Variants in MEIOSIN observed in about 807,000 individuals in gnomAD.
MEIOSIN encodes meiosis initiator protein.
A neutral mutation model predicts 23.4 loss-of-function variants in MEIOSIN; 18 were observed. The ratio of observed to expected loss-of-function variants is 0.77; its 90% confidence interval spans 0.53 to 1.14. The LOEUF is 1.14. Ranked by LOEUF, MEIOSIN falls within the 50% of genes most tolerant of loss-of-function variation. The pLI is 0.00. For synonymous variants in MEIOSIN, 187 were observed against 100.6 expected, an observed-to-expected ratio of 1.86 and a Z score of -5.14; for missense variants, 428 against 242.9, an observed-to-expected ratio of 1.76 and a Z score of -5.07.
At position 45,762,194 on chromosome 19, in the gene MEIOSIN, G is replaced by A. The variant is rs973580800; in HGVS notation, c.1679+11G>A. The A allele has an allele frequency of 7.4e-6, 3 of 404,868 alleles. No homozygotes were observed. Among genetic ancestry groups the A allele is most frequent in the Non-Finnish European group, 1.3e-5 (3 of 230,074 alleles). 25.1% of individuals were successfully genotyped at this position (404,868 alleles called of 1,614,324 possible). A position where few individuals can be genotyped will look rare whatever the true frequency, so the allele number is the denominator to read the frequency against. The stretch of plus-strand genomic sequence containing the variant: ...GAAGCAGTACATCCGGTGGGTAGGG[G>A]GTCGTCTTTGGCCCTGGGGAAGGCC... On this transcript the variant is annotated intron_variant, in intron 13 of 14. Coordinates refer to ENST00000457052, the MANE Select transcript of MEIOSIN (RefSeq NM_001310124.2).
intron 4 of MEIOSIN, among the ~76,000 whole-genome samples, chr19:45,748,331 C>T (rs182004750): frequency 1.4e-4 from 21 of 152,338 alleles, no homozygotes; most frequent in Admixed American, 2.0e-4. Flanking sequence ...CCACCCGCCT[C>T]GGGCTCTGAA....
chr19:45,762,509 T>C (rs1301247026), intron 13 of MEIOSIN, among the ~76,000 whole-genome samples: 1 of 152,210 alleles, frequency 6.6e-6, no homozygotes. Flanking sequence ...CTCACTGCAA[T>C]GTCTGCCTCC....
At chr19:45,748,138 C>G (rs1296179513) in intron 4 of MEIOSIN, among the ~76,000 whole-genome samples, 1 of 151,580 alleles carries the variant, frequency 6.6e-6, no homozygotes, top group Non-Finnish European at 1.5e-5. Flanking sequence ...AGTGCAGTGG[C>G]ACCATCTCGG....
intron 8 of MEIOSIN, 60 bp from the exon 9 acceptor site, chr19:45,757,117 C>T (rs4802275): frequency 0.49 from 340,438 of 691,218 alleles, 86,175 homozygotes; most frequent in East Asian, 0.67. Context: ...CCAAAGGGGC[C>T]CCATAGCAGT....
At chr19:45,736,723 C>A (rs184724874) in intron 2 of MEIOSIN, among the ~76,000 whole-genome samples, 2 of 151,964 alleles carry the variant, frequency 1.3e-5, no homozygotes, top group Non-Finnish European at 2.9e-5. Context: ...CGCCCACCAC[C>A]ATGCCTGGCT....
chr19:45,760,705 G>A (rs1410373068), intron 11 of MEIOSIN, among the ~76,000 whole-genome samples: 1 of 152,064 alleles, frequency 6.6e-6, no homozygotes, highest in Non-Finnish European at 1.5e-5. Flanking sequence ...GAGGCGGGCA[G>A]ATCACCTGAG....
rs1968819411 is a variant in MEIOSIN at position 45,755,994 on chromosome 19, A to T, written c.827A>T (p.Gln276Leu). 1.4e-6 allele frequency: 1 copy of T among 702,734 alleles called. No homozygotes were observed. Among genetic ancestry groups the T allele is most frequent in the Non-Finnish European group, 2.6e-6 (1 of 385,018 alleles). The allele number at this position is 702,734 out of a possible 1,614,324, so 43.5% of individuals were successfully genotyped here. A position where few individuals can be genotyped will look rare whatever the true frequency, so the allele number is the denominator to read the frequency against. The change falls in exon 8 of 15, where the codon CAG becomes CTG. Residue 276 changes from glutamine to leucine, a missense_variant. Gln to Leu is a moderately radical substitution (Grantham distance 113, BLOSUM62 -2). Coordinates refer to ENST00000457052, the MANE Select transcript of MEIOSIN (RefSeq NM_001310124.2). ...ISSCWCQGSV[Q>L]DDAPFPALLA... ...GGCTGCTGGTGCCAGGGCAGTGTCCAGGATGACGCACCTTTCCCTGCGCTC... is the reference window on the plus strand; with the variant it reads ...GGCTGCTGGTGCCAGGGCAGTGTCCTGGATGACGCACCTTTCCCTGCGCTC...
At chr19:45,735,171 G>A (rs1600372408) in intron 1 of MEIOSIN, among the ~76,000 whole-genome samples, 1 of 152,288 alleles carries the variant, frequency 6.6e-6, no homozygotes, top group South Asian at 2.1e-4. Context: ...TGGGATTACA[G>A]GTGTGAGCTA....
intron 5 of MEIOSIN, among the ~76,000 whole-genome samples, chr19:45,752,919 CT>C (rs11387482): frequency 5.9e-4 from 70 of 119,130 alleles, no homozygotes; most frequent in Non-Finnish European, 8.4e-4. Context: ...GTTTCTTCTT[CT>C]TTTTTTTTTT....
chr19:45,752,351 GACTAC>G (rs1201253822), intron 5 of MEIOSIN, among the ~76,000 whole-genome samples: 2 of 151,874 alleles, frequency 1.3e-5, no homozygotes, highest in Non-Finnish European at 2.9e-5. Context: ...AAGTAGCTGG[GACTAC>G]AGGCGCCCGC....
At chr19:45,752,030 G>A (rs1555783572) in intron 5 of MEIOSIN, among the ~76,000 whole-genome samples, 1 of 124,604 alleles carries the variant, frequency 8.0e-6, no homozygotes, top group Non-Finnish European at 1.6e-5. Flanking sequence ...CCTGCTCCTA[G>A]CCGTTTTTTT....
At position 45,762,595 on chromosome 19, in the gene MEIOSIN, C is replaced by T. The variant is rs1006222774; in HGVS notation, c.1679+412C>T. Among the ~76,000 whole-genome samples the T allele has an allele frequency of 9.9e-5, 15 of 151,980 alleles. No homozygotes were observed. The East Asian group carries it at 1.7e-3, about 18-fold the overall frequency. On this transcript the variant is annotated intron_variant, in intron 13 of 14. Coordinates refer to ENST00000457052, the MANE Select transcript of MEIOSIN (RefSeq NM_001310124.2). Reference sequence around the variant, plus strand: ...TCCTGAGTAGCTGGGATAACAGGCGCGCCATCAGCTAATTTTTGTATTTTT... The same window carrying T: ...TCCTGAGTAGCTGGGATAACAGGCGTGCCATCAGCTAATTTTTGTATTTTT...
chr19:45,752,508 T>G (rs1189659651), intron 5 of MEIOSIN, among the ~76,000 whole-genome samples: 1 of 152,084 alleles, frequency 6.6e-6, no homozygotes, highest in Non-Finnish European at 1.5e-5. Context: ...TGCCTGGCTC[T>G]GGCTAATATT....
chr19:45,758,259 G>T (rs747375778), intron 9 of MEIOSIN, among the ~76,000 whole-genome samples: 36 of 152,230 alleles, frequency 2.4e-4, no homozygotes, highest in African/African-American at 8.2e-4. Flanking sequence ...CTCCCAAAGC[G>T]CTGGGATTAT....
chr19:45,754,979 G>C (rs1968793280), intron 7 of MEIOSIN, among the ~76,000 whole-genome samples: 1 of 152,106 alleles, frequency 6.6e-6, no homozygotes, highest in African/African-American at 2.4e-5. Flanking sequence ...GGAGGGCAGG[G>C]CCTCCGCCTC....
intron 3 of MEIOSIN, among the ~76,000 whole-genome samples, chr19:45,744,770 C>T (rs1968562722): frequency 6.6e-6 from 1 of 152,078 alleles, no homozygotes; most frequent in Non-Finnish European, 1.5e-5. Flanking sequence ...ACTGCACCCA[C>T]CCCACATTAG....
intron 2 of MEIOSIN, 119 bp from the exon 3 acceptor site, chr19:45,739,507 C>CT: frequency 1.5e-6 from 1 of 652,968 alleles, no homozygotes; most frequent in East Asian, 2.7e-5. Flanking sequence ...AGGTCTATAT[C>CT]TTGCCAACTC....
At chr19:45,757,045 T>A in intron 8 of MEIOSIN, 132 bp from the exon 9 acceptor site, 1 of 589,986 alleles carries the variant, frequency 1.7e-6, no homozygotes, top group South Asian at 2.2e-5. Flanking sequence ...TCCCTGAGGA[T>A]GGGAGCCTCG....
intron 2 of MEIOSIN, among the ~76,000 whole-genome samples, chr19:45,738,890 TC>T (rs1230882007): frequency 1.3e-5 from 2 of 152,194 alleles, no homozygotes; most frequent in African/African-American, 2.4e-5. Context: ...ATTCATACTT[TC>T]ATCCCCCTTT....
Sources: gnomAD v4.1 joint callset for allele counts (sites outside exome capture counted in the v4.1 genomes callset) on GRCh38, gnomAD v4.1.1 for gene constraint, MANE v1.5 for transcripts, NCBI Gene and HGNC (gene_info 2026-07-23, HGNC 2026-07-21) for gene names.